The following OR3A2 variants were observed in gnomAD, a reference collection of about 807,000 sequenced individuals.
OR3A2 encodes the protein olfactory receptor 3A2.
For missense variants in OR3A2, 318 were observed against 392.8 expected, an observed-to-expected ratio of 0.81 and a Z score of 1.61; for synonymous variants, 126 against 159.3, an observed-to-expected ratio of 0.79 and a Z score of 1.57.
chr17:3,290,409 A>G (rs908021190), intron 3 of OR3A2, among the ~76,000 whole-genome samples: 1 of 152,056 alleles, frequency 6.6e-6, no homozygotes, highest in Non-Finnish European at 1.5e-5. Context: ...CCTATTCCTC[A>G]TCTTTCCACT....
At chr17:3,291,980 C>A in intron 3 of OR3A2, 3 of 1,614,222 alleles carry the variant, frequency 1.9e-6, no homozygotes, top group Non-Finnish European at 2.5e-6. Context: ...CAGCAAAAAG[C>A]AGCAGCTCAT....
At chr17:3,359,711 G>C (rs1444637191) in intron 2 of OR3A2, among the ~76,000 whole-genome samples, 1 of 151,500 alleles carries the variant, frequency 6.6e-6, no homozygotes, top group Non-Finnish European at 1.5e-5. Context: ...GAGAATGATG[G>C]TTTCCAGCTT....
chr17:3,350,307 GAGAT>G (rs1471222028), intron 2 of OR3A2, among the ~76,000 whole-genome samples: 3 of 151,064 alleles, frequency 2.0e-5, no homozygotes, highest in African/African-American at 7.3e-5. Flanking sequence ...AAGAAAAAAA[GAGAT>G]AAGAATCAAA....
At chr17:3,337,785 T>C (rs1307828872) in intron 2 of OR3A2, among the ~76,000 whole-genome samples, 2 of 152,324 alleles carry the variant, frequency 1.3e-5, no homozygotes, top group Middle Eastern at 3.4e-3. Context: ...TTGGGGTATA[T>C]ACCCAGTAAT....
intron 3 of OR3A2, among the ~76,000 whole-genome samples, chr17:3,332,826 G>C (rs1293401068): frequency 6.6e-6 from 1 of 152,190 alleles, no homozygotes; most frequent in Non-Finnish European, 1.5e-5. Flanking sequence ...TCTTATGCCT[G>C]TCTTTAATCT....
At chr17:3,331,652 T>A (rs191629168) in intron 3 of OR3A2, among the ~76,000 whole-genome samples, 3,461 of 151,716 alleles carry the variant, frequency 0.023, 51 homozygotes, top group Middle Eastern at 0.071. Context: ...TCTTTGCCTT[T>A]GGTTTGAATG....
intron 2 of OR3A2, among the ~76,000 whole-genome samples, chr17:3,370,905 T>C (rs1015894537): frequency 1.4e-4 from 21 of 152,162 alleles, no homozygotes; most frequent in African/African-American, 5.1e-4. Flanking sequence ...TAACCCTGAG[T>C]GGACACAGCA....
chr17:3,376,479 G>A (rs1330094528), intron 2 of OR3A2, among the ~76,000 whole-genome samples: 8 of 108 alleles, frequency 0.074, no homozygotes, highest in Admixed American at 0.2. Flanking sequence ...TGTGGGGGAC[G>A]GAAGGGGTGG....
chr17:3,294,590 C>G (rs913076752), intron 3 of OR3A2, among the ~76,000 whole-genome samples: 1 of 151,988 alleles, frequency 6.6e-6, no homozygotes, highest in Non-Finnish European at 1.5e-5. Flanking sequence ...ACACTTTGTC[C>G]CAGGAAACAT....
At chr17:3,324,152 G>A (rs897267839) in intron 3 of OR3A2, among the ~76,000 whole-genome samples, 1 of 151,908 alleles carries the variant, frequency 6.6e-6, no homozygotes, top group Non-Finnish European at 1.5e-5. Flanking sequence ...GATCGCATCG[G>A]CTACTGAGGC....
intron 2 of OR3A2, among the ~76,000 whole-genome samples, chr17:3,352,869 C>T (rs2049431625): frequency 2.0e-5 from 3 of 151,822 alleles, no homozygotes; most frequent in African/African-American, 7.3e-5. Context: ...TCGATTTTTC[C>T]AATCCATAAA....
chr17:3,384,045 T>C (rs956498557), intron 1 of OR3A2: 4 of 151,484 alleles, frequency 2.6e-5, no homozygotes. Flanking sequence ...ATAAATATTA[T>C]ATACAGATCA....
chr17:3,372,347 G>T (rs1332214956), intron 2 of OR3A2, among the ~76,000 whole-genome samples: 1 of 150,356 alleles, frequency 6.7e-6, no homozygotes, highest in Admixed American at 6.6e-5. Flanking sequence ...AGACTGGGCA[G>T]CCAGGCAGAG....
At chr17:3,365,099 C>A (rs2049551565) in intron 2 of OR3A2, among the ~76,000 whole-genome samples, 1 of 152,076 alleles carries the variant, frequency 6.6e-6, no homozygotes, top group African/African-American at 2.4e-5. Context: ...ATAACAAACT[C>A]CAAATGGTGT....
intron 2 of OR3A2, among the ~76,000 whole-genome samples, chr17:3,367,601 G>GTATATATAATATATA (rs2049575498): frequency 1.6e-5 from 2 of 122,532 alleles, no homozygotes; most frequent in African/African-American, 3.6e-5. Context: ...GTGTGTGTGT[G>GTATATATAATATATA]TATATATATA....
At chr17:3,314,817 A>C (rs147590781) in intron 3 of OR3A2, among the ~76,000 whole-genome samples, 5 of 152,228 alleles carry the variant, frequency 3.3e-5, no homozygotes, top group African/African-American at 1.2e-4. Context: ...ACAGTACCCG[A>C]TAGGCAGTTT....
chr17:3,290,693 G>A (rs757177737), intron 3 of OR3A2, among the ~76,000 whole-genome samples: 1 of 152,220 alleles, frequency 6.6e-6, no homozygotes, highest in East Asian at 1.9e-4. Context: ...CTTCAAGCAA[G>A]TTGAGCTAAT....
chr17:3,350,930 A>T (rs2049414767), intron 2 of OR3A2, among the ~76,000 whole-genome samples: 3 of 151,346 alleles, frequency 2.0e-5, no homozygotes, highest in African/African-American at 7.3e-5. Flanking sequence ...CAAAGACAAA[A>T]ACCACATGAT....
intron 2 of OR3A2, among the ~76,000 whole-genome samples, chr17:3,355,359 T>C (rs996223437): frequency 2.0e-5 from 3 of 151,472 alleles, no homozygotes; most frequent in African/African-American, 7.3e-5. Flanking sequence ...TTGTTGATTG[T>C]CTGTCTGGAA....
Sources: allele counts gnomAD v4.1 joint callset (sites outside exome capture counted in the v4.1 genomes callset), GRCh38; gene constraint gnomAD v4.1.1; transcripts MANE v1.5; gene names NCBI Gene and HGNC (gene_info 2026-07-23, HGNC 2026-07-21).